ELMO1: variants seen among roughly 807,000 people sequenced by gnomAD.
The protein encoded by ELMO1 is engulfment and cell motility protein 1.
ELMO1 carries 26 observed loss-of-function variants against 98.9 expected under a neutral mutation model. That is an observed-to-expected ratio of 0.26 (90% CI 0.19 to 0.36). ELMO1 has a LOEUF of 0.36. ELMO1 is among the 10% of genes least tolerant of loss of function. The pLI, the probability that ELMO1 is intolerant of heterozygous loss-of-function variation, is 1.00. For missense variants in ELMO1, 627 were observed against 935.2 expected (o/e 0.67, Z 4.30); for synonymous variants, 346 against 346.0 (o/e 1.00, Z 0.00).
At chr7:37,444,284 A>G (rs1805523973) in intron 1 of ELMO1, among the ~76,000 whole-genome samples, 1 of 152,232 alleles carries the variant, frequency 6.6e-6, no homozygotes, top group African/African-American at 2.4e-5. Flanking sequence ...GTAAAATATG[A>G]AAGGAGAAGT....
intron 5 of ELMO1, among the ~76,000 whole-genome samples, chr7:37,263,855 A>G (rs144660867): frequency 1.6e-4 from 24 of 152,320 alleles, no homozygotes; most frequent in African/African-American, 5.8e-4. Flanking sequence ...ATGAGCATGC[A>G]GAGCTGAAGG....
intron 1 of ELMO1, chr7:37,353,013 C>G (rs1444674070): frequency 6.6e-6 from 1 of 152,154 alleles, no homozygotes. Context: ...GTAAGTCTGA[C>G]ATGGAAAACT....
chr7:36,995,238 C>T (rs1035845141), intron 16 of ELMO1, among the ~76,000 whole-genome samples: 9 of 152,128 alleles, frequency 5.9e-5, no homozygotes, highest in African/African-American at 2.2e-4. Context: ...GGCTGGGTGC[C>T]GTGGCTCACG....
chr7:37,124,339 C>T (rs1478823209), intron 14 of ELMO1, among the ~76,000 whole-genome samples: 1 of 152,192 alleles, frequency 6.6e-6, no homozygotes, highest in Non-Finnish European at 1.5e-5. Context: ...AAGAGGAAGT[C>T]CAATTGTCCC....
chr7:37,430,830 G>T (rs1270421053), intron 1 of ELMO1, among the ~76,000 whole-genome samples: 1 of 152,224 alleles, frequency 6.6e-6, no homozygotes, highest in Non-Finnish European at 1.5e-5. Context: ...GAAGCTATGA[G>T]AACTTAATAA....
At chr7:37,216,760 A>C in intron 10 of ELMO1, 65 bp from the exon 11 acceptor site, 1 of 1,577,412 alleles carries the variant, frequency 6.3e-7, no homozygotes, top group Non-Finnish European at 8.7e-7. Flanking sequence ...ACATGGCCAA[A>C]AATGACCTTA....
intron 1 of ELMO1, among the ~76,000 whole-genome samples, chr7:37,408,373 T>C (rs868858915): frequency 6.6e-5 from 10 of 152,344 alleles, no homozygotes; most frequent in Middle Eastern, 6.8e-3. Context: ...GATAAGCCCC[T>C]ACGCTCTGTC....
At position 37,271,870 on chromosome 7, in the gene ELMO1, T is replaced by C. The variant is rs1257957636; in HGVS notation, c.205A>G (p.Ile69Val). The change falls in exon 5 of 22, where the codon ATA becomes GTA. Residue 69 changes from isoleucine to valine, a missense_variant. By Grantham distance (29) the Ile-to-Val change is conservative. Around this residue, in one of 3 missense-constraint regions of ELMO1, gnomAD observed 123 missense variants for 171.2 expected, o/e 0.72. Coordinates refer to ENST00000310758, the MANE Select transcript of ELMO1 (RefSeq NM_014800.11). ...AATCGAAGGATAGTGCCATTTTTTA[T>C]CTCATTGCGGTTCTGGAAAAGAAGA... is the stretch of plus-strand genomic sequence containing the variant. ...FYITEKNRNE[I>V]KNGTILRLTT... 14 of 1,613,888 alleles carry C rather than the reference T, an allele frequency of 8.7e-6. No homozygotes were observed. In the East Asian group the frequency reaches 2.7e-4, roughly 31 times the overall value.
chr7:37,062,705 G>A (rs906565680), intron 15 of ELMO1, among the ~76,000 whole-genome samples: 3 of 152,190 alleles, frequency 2.0e-5, no homozygotes, highest in African/African-American at 7.2e-5. Context: ...CATAGCAACT[G>A]CAGCTTGCCT....
chr7:36,929,906 C>T (rs191800914), intron 16 of ELMO1, among the ~76,000 whole-genome samples: 10 of 152,292 alleles, frequency 6.6e-5, no homozygotes, highest in Admixed American at 4.6e-4. Context: ...CATATCCCTT[C>T]GGGAGCAATT....
rs181875136 is a variant in ELMO1, at chr7:37,172,488, T to C, written c.1086+38898A>G. On this transcript the variant is annotated intron_variant, in intron 13 of 21. Coordinates refer to ENST00000310758, the MANE Select transcript of ELMO1 (RefSeq NM_014800.11). ...ATTTCATTTCCTCCCTGCATTCCTA[T>C]CCAAAAGGCCAAAACACCAAAACTA... Among the ~76,000 whole-genome samples the C allele has an allele frequency of 1.5e-4, 23 of 152,272 alleles. No homozygotes were observed. In the East Asian group the frequency reaches 4.2e-3, roughly 28 times the overall value.
At chr7:37,087,511 C>T (rs932526511) in intron 15 of ELMO1, among the ~76,000 whole-genome samples, 1 of 151,836 alleles carries the variant, frequency 6.6e-6, no homozygotes, top group Non-Finnish European at 1.5e-5. Flanking sequence ...TTATGAAACA[C>T]TATTTTAACA....
chr7:37,256,217 G>A (rs961019351), intron 6 of ELMO1, among the ~76,000 whole-genome samples: 3 of 152,094 alleles, frequency 2.0e-5, no homozygotes, highest in East Asian at 1.9e-4. Context: ...ACCACTCCAC[G>A]TTGAGGTATG....
intron 16 of ELMO1, among the ~76,000 whole-genome samples, chr7:36,965,836 T>C (rs1789379665): frequency 6.6e-6 from 1 of 152,302 alleles, no homozygotes; most frequent in East Asian, 1.9e-4. Flanking sequence ...TCCGCCTGTA[T>C]GATGTCATCT....
intron 15 of ELMO1, among the ~76,000 whole-genome samples, chr7:37,032,410 G>A (rs1794930680): frequency 6.6e-6 from 1 of 152,086 alleles, no homozygotes; most frequent in South Asian, 2.1e-4. Flanking sequence ...CATTATTCCT[G>A]GAAGGTCAGT....
intron 15 of ELMO1, among the ~76,000 whole-genome samples, chr7:37,068,117 G>T (rs1009134782): frequency 6.6e-6 from 1 of 152,112 alleles, no homozygotes; most frequent in African/African-American, 2.4e-5. Flanking sequence ...TGTGGGTCAC[G>T]TGTTCCACTT....
intron 1 of ELMO1, chr7:37,375,766 T>A: frequency 9.5e-7 from 1 of 1,057,054 alleles, no homozygotes; most frequent in Non-Finnish European, 1.5e-6. Context: ...TCTCAGTGAT[T>A]ACCTTCATCT....
chr7:37,037,825 A>G (rs1310934490), intron 15 of ELMO1, among the ~76,000 whole-genome samples: 1 of 152,212 alleles, frequency 6.6e-6, no homozygotes, highest in Non-Finnish European at 1.5e-5. Flanking sequence ...ACGTGAATGT[A>G]TATGGCTTCA....
chr7:37,193,847 T>G (rs1198209175), intron 13 of ELMO1, among the ~76,000 whole-genome samples: 1 of 152,150 alleles, frequency 6.6e-6, no homozygotes, highest in Non-Finnish European at 1.5e-5. Flanking sequence ...TGCACACACA[T>G]GTAATACATG....
Sources: allele counts gnomAD v4.1 joint callset (sites outside exome capture counted in the v4.1 genomes callset), GRCh38; gene constraint gnomAD v4.1.1; regional missense constraint gnomAD v4.1.1; transcripts MANE v1.5; gene names NCBI Gene and HGNC (gene_info 2026-07-23, HGNC 2026-07-21).